Variants in GRIP1 observed in about 807,000 individuals in gnomAD.
GRIP1 encodes glutamate receptor-interacting protein 1.
GRIP1 carries 45 observed loss-of-function variants against 129.9 expected under a neutral mutation model. The observed-to-expected ratio is 0.35, with a 90% CI of 0.27 to 0.44. GRIP1 has a LOEUF of 0.44. GRIP1 is among the 20% of genes least tolerant of loss of function. GRIP1 has a pLI of 1.00. For synonymous variants in GRIP1, 530 were observed against 520.8 expected (o/e 1.02, Z -0.24); for missense variants, 1,196 against 1,396.8 (o/e 0.86, Z 2.29).
intron 1 of GRIP1, among the ~76,000 whole-genome samples, chr12:66,757,005 A>C (rs2037310819): frequency 6.6e-6 from 1 of 152,232 alleles, no homozygotes; most frequent in Non-Finnish European, 1.5e-5. Flanking sequence ...GATACATGGA[A>C]TATTTTGATA....
intron 1 of GRIP1, among the ~76,000 whole-genome samples, chr12:66,801,370 TAA>T (rs1279021600): frequency 6.6e-6 from 1 of 152,158 alleles, no homozygotes; most frequent in Non-Finnish European, 1.5e-5. Flanking sequence ...AGAGGAGATT[TAA>T]AATCATTCTA....
chr12:66,545,428 GA>G (rs1418893596), intron 2 of GRIP1, among the ~76,000 whole-genome samples: 1 of 152,080 alleles, frequency 6.6e-6, no homozygotes, highest in Non-Finnish European at 1.5e-5. Context: ...TTAATATGCA[GA>G]AAACTATATC....
At chr12:66,924,389 G>C (rs974848019) in intron 1 of GRIP1, among the ~76,000 whole-genome samples, 1 of 152,176 alleles carries the variant, frequency 6.6e-6, no homozygotes, top group Non-Finnish European at 1.5e-5. Context: ...AAAAACTATT[G>C]ATACATATGT....
chr12:66,468,161 T>C (rs2059338873), intron 7 of GRIP1, among the ~76,000 whole-genome samples: 1 of 152,130 alleles, frequency 6.6e-6, no homozygotes, highest in East Asian at 1.9e-4. Context: ...TTCCAGCCAA[T>C]GGGAAGTGAG....
chr12:66,990,943 C>T (rs1025868596), intron 1 of GRIP1, among the ~76,000 whole-genome samples: 9 of 150,496 alleles, frequency 6.0e-5, no homozygotes, highest in Admixed American at 4.6e-4. Context: ...CGCCATTACG[C>T]TCCAGCCTGG....
At chr12:66,451,573 T>G (rs541031206) in intron 11 of GRIP1, among the ~76,000 whole-genome samples, 2 of 151,876 alleles carry the variant, frequency 1.3e-5, no homozygotes, top group South Asian at 4.2e-4. Flanking sequence ...CTGGTTGATT[T>G]TTTCTTTTCT....
intron 11 of GRIP1, among the ~76,000 whole-genome samples, chr12:66,453,031 G>T (rs897848304): frequency 2.0e-5 from 3 of 152,100 alleles, no homozygotes; most frequent in Admixed American, 6.5e-5. Flanking sequence ...TGCTCTAGTG[G>T]CCAATGTCTA....
intron 1 of GRIP1, among the ~76,000 whole-genome samples, chr12:66,843,827 T>C (rs2137056574): frequency 6.6e-6 from 1 of 152,190 alleles, no homozygotes; most frequent in Admixed American, 6.5e-5. Flanking sequence ...TATTTAAACA[T>C]AACAGCAAAA....
intron 1 of GRIP1, among the ~76,000 whole-genome samples, chr12:66,778,684 T>C (rs894774496): frequency 2.0e-5 from 3 of 151,954 alleles, no homozygotes; most frequent in Non-Finnish European, 4.4e-5. Flanking sequence ...AAACACAAAC[T>C]GGAGTCAAAT....
intron 1 of GRIP1, among the ~76,000 whole-genome samples, chr12:66,643,039 G>T (rs1412359122): frequency 6.6e-6 from 1 of 152,146 alleles, no homozygotes; most frequent in Non-Finnish European, 1.5e-5. Context: ...ACAAGCAGAT[G>T]CAAAATAAAC....
intron 23 of GRIP1, among the ~76,000 whole-genome samples, chr12:66,369,925 C>G (rs1225702374): frequency 6.6e-6 from 1 of 152,194 alleles, no homozygotes; most frequent in African/African-American, 2.4e-5. Flanking sequence ...ACAAGCTAAC[C>G]TGTGGCTGGG....
chr12:66,945,924 C>T (rs1297597318), intron 1 of GRIP1, among the ~76,000 whole-genome samples: 1 of 152,152 alleles, frequency 6.6e-6, no homozygotes, highest in Non-Finnish European at 1.5e-5. Context: ...AAATTCTCAT[C>T]CATAGCTCAA....
At position 67,025,664 on chromosome 12, in the gene GRIP1, C is replaced by T. The variant is rs563742153; in HGVS notation, c.58+43386G>A. ...ACTATTGCCCCAGGTTTCTCTCCCC[C>T]CAGGGTTTAACTCGCAATTCCTACA... On this transcript the variant is annotated intron_variant, in intron 1 of 1. Coordinates refer to the GRIP1 transcript ENST00000643019. Among the ~76,000 whole-genome samples the T allele has an allele frequency of 2.1e-3, 321 of 152,206 alleles. 2 individuals carry two copies. The highest frequency in any genetic ancestry group is 5.9e-3 in the African/African-American group (243 of 41,510).
At chr12:66,494,720 T>TA (rs796448541) in intron 7 of GRIP1, among the ~76,000 whole-genome samples, 20 of 146,008 alleles carry the variant, frequency 1.4e-4, no homozygotes, top group Admixed American at 7.5e-4. Flanking sequence ...AAAAACAAAT[T>TA]AAAAAAAAAA....
chr12:67,065,144 T>C (rs1225690014), intron 1 of GRIP1: 1 of 152,006 alleles, frequency 6.6e-6, no homozygotes, highest in Non-Finnish European at 1.5e-5. Context: ...TTTATTTATA[T>C]CTAAAGGGGT....
At chr12:66,590,074 C>T (rs1375458216) in intron 2 of GRIP1, among the ~76,000 whole-genome samples, 1 of 152,114 alleles carries the variant, frequency 6.6e-6, no homozygotes, top group African/African-American at 2.4e-5. Flanking sequence ...CTCAGTCGGC[C>T]TCTAAAATTT....
intron 1 of GRIP1, among the ~76,000 whole-genome samples, chr12:66,754,779 TAA>T (rs754924913): frequency 4.6e-5 from 7 of 152,010 alleles, no homozygotes; most frequent in Non-Finnish European, 8.8e-5. Context: ...TAGAAAGTAA[TAA>T]GAGGGTAGAA....
intron 7 of GRIP1, among the ~76,000 whole-genome samples, chr12:66,508,273 A>G (rs1318315778): frequency 2.0e-5 from 3 of 152,186 alleles, no homozygotes; most frequent in African/African-American, 7.2e-5. Context: ...TCTATGGGTG[A>G]ACACATTGTT....
chr12:66,783,719 C>A (rs2038230397), intron 1 of GRIP1, among the ~76,000 whole-genome samples: 1 of 152,020 alleles, frequency 6.6e-6, no homozygotes, highest in Non-Finnish European at 1.5e-5. Flanking sequence ...GTCTAGGTAA[C>A]CACTTATACC....
Sources: gnomAD v4.1 joint callset for allele counts (sites outside exome capture counted in the v4.1 genomes callset) on GRCh38, gnomAD v4.1.1 for gene constraint, MANE v1.5 for transcripts, NCBI Gene and HGNC (gene_info 2026-07-23, HGNC 2026-07-21) for gene names.